Variants in MBD5 observed in about 807,000 individuals in gnomAD.
MBD5 encodes methyl-CpG-binding domain protein 5.
Under a neutral mutation model 117.3 loss-of-function variants are expected in MBD5, and 13 were observed. The ratio of observed to expected loss-of-function variants is 0.11; its 90% confidence interval spans 0.07 to 0.18. The LOEUF is 0.18. Among genes scored for constraint, MBD5 ranks in the 10% least tolerant of loss-of-function variants. MBD5 has a pLI of 1.00. For synonymous variants in MBD5, 727 were observed against 766.4 expected (o/e 0.95, Z 0.85); for missense variants, 1,879 against 2,093.8 (o/e 0.90, Z 2.00).
intron 1 of MBD5, among the ~76,000 whole-genome samples, chr2:148,152,397 G>GA (rs1197620431): frequency 3.3e-5 from 5 of 152,152 alleles, no homozygotes; most frequent in African/African-American, 1.2e-4. Flanking sequence ...GTGCGGTGCT[G>GA]AAAAAAGTGT....
intron 1 of MBD5, among the ~76,000 whole-genome samples, chr2:148,074,782 G>A (rs913814140): frequency 2.0e-5 from 3 of 152,086 alleles, no homozygotes; most frequent in Admixed American, 6.6e-5. Context: ...GATTACAGGC[G>A]TGAGCCACCA....
chr2:148,280,828 C>G (rs1701230052), intron 3 of MBD5, among the ~76,000 whole-genome samples: 1 of 152,106 alleles, frequency 6.6e-6, no homozygotes, highest in South Asian at 2.1e-4. Context: ...ATTTTGGCCT[C>G]TCTACTTAAT....
chr2:148,504,245 T>A (rs906494599), intron 12 of MBD5, among the ~76,000 whole-genome samples: 1 of 152,194 alleles, frequency 6.6e-6, no homozygotes, highest in Non-Finnish European at 1.5e-5. Context: ...AAAACTAACA[T>A]TTATAAAAAG....
At chr2:148,271,446 A>T (rs1376107250) in intron 3 of MBD5, among the ~76,000 whole-genome samples, 3 of 152,150 alleles carry the variant, frequency 2.0e-5, no homozygotes, top group African/African-American at 7.2e-5. Context: ...TTCCCAAGAC[A>T]ATTATTCCAT....
chr2:148,324,035 G>A (rs1251100183), intron 3 of MBD5, among the ~76,000 whole-genome samples: 1 of 152,136 alleles, frequency 6.6e-6, no homozygotes, highest in African/African-American at 2.4e-5. Flanking sequence ...TGTAAGGAAG[G>A]GATCCAGTTA....
intron 3 of MBD5, among the ~76,000 whole-genome samples, chr2:148,266,185 T>G (rs1574215778): frequency 6.6e-6 from 1 of 152,148 alleles, no homozygotes; most frequent in Non-Finnish European, 1.5e-5. Context: ...TGTTGGTATC[T>G]CCTGACCACG....
chr2:148,335,904 C>T (rs924016430), intron 3 of MBD5, among the ~76,000 whole-genome samples: 2 of 152,084 alleles, frequency 1.3e-5, no homozygotes, highest in Non-Finnish European at 2.9e-5. Context: ...TAAGTTATTT[C>T]CCCAAATTCA....
intron 3 of MBD5, among the ~76,000 whole-genome samples, chr2:148,242,377 CAT>C (rs34443442): frequency 3.3e-5 from 5 of 150,124 alleles, no homozygotes; most frequent in South Asian, 2.1e-4. Flanking sequence ...ATTACACACA[CAT>C]ATATATATAT....
chr2:148,163,762 A>G (rs1457591941), intron 1 of MBD5, among the ~76,000 whole-genome samples: 1 of 152,208 alleles, frequency 6.6e-6, no homozygotes, highest in African/African-American at 2.4e-5. Flanking sequence ...AGCGCTTGGT[A>G]TGTATGAATG....
In MBD5 at chr2:148,297,252, G is replaced by C. The variant is rs1574254916; in HGVS notation, c.-679-44962G>C. Among the ~76,000 whole-genome samples, 3 of 152,138 alleles carry C rather than the reference G, an allele frequency of 2.0e-5. No homozygotes were observed. In the East Asian group the frequency reaches 5.8e-4, roughly 29 times the overall value. Reference sequence around the variant, plus strand: ...CTAGATAGCATATTGTAGCAATTCTGAATATTAGTCCTCAATATTTGTCAT... The same window carrying C: ...CTAGATAGCATATTGTAGCAATTCTCAATATTAGTCCTCAATATTTGTCAT... On this transcript the variant is annotated intron_variant, in intron 3 of 13. Transcript: ENST00000642680.
At chr2:148,315,598 A>G (rs1274104226) in intron 3 of MBD5, among the ~76,000 whole-genome samples, 3 of 152,118 alleles carry the variant, frequency 2.0e-5, no homozygotes, top group Non-Finnish European at 4.4e-5. Context: ...GACTTTGCTT[A>G]TTTTTAAGAC....
intron 3 of MBD5, among the ~76,000 whole-genome samples, chr2:148,340,465 A>G (rs1163922971): frequency 6.6e-6 from 1 of 152,124 alleles, no homozygotes; most frequent in African/African-American, 2.4e-5. Context: ...GCTTGATGGG[A>G]GGTCTAATTT....
chr2:148,130,591 A>G (rs1697021049), intron 1 of MBD5, among the ~76,000 whole-genome samples: 1 of 151,988 alleles, frequency 6.6e-6, no homozygotes, highest in Admixed American at 6.6e-5. Flanking sequence ...GATCAGAGGA[A>G]CCTATCTCAC....
chr2:148,057,645 A>T (rs1024927720), intron 1 of MBD5, among the ~76,000 whole-genome samples: 1 of 151,968 alleles, frequency 6.6e-6, no homozygotes, highest in Non-Finnish European at 1.5e-5. Flanking sequence ...ATACTAGAAT[A>T]AATTTTTTCC....
At chr2:148,321,298 G>C (rs1335854315) in intron 3 of MBD5, among the ~76,000 whole-genome samples, 1 of 151,986 alleles carries the variant, frequency 6.6e-6, no homozygotes, top group Non-Finnish European at 1.5e-5. Flanking sequence ...ACTAATGATA[G>C]CTGATGAACT....
chr2:148,392,793 G>A (rs73015185), intron 4 of MBD5, among the ~76,000 whole-genome samples: 1,952 of 152,184 alleles, frequency 0.013, 51 homozygotes, highest in African/African-American at 0.045. Flanking sequence ...CAGGCCTGGG[G>A]TATAGAGAGC....
intron 4 of MBD5, among the ~76,000 whole-genome samples, chr2:148,383,209 C>G (rs1052301642): frequency 6.6e-6 from 1 of 151,422 alleles, no homozygotes; most frequent in East Asian, 1.9e-4. Context: ...AGACCGCTAG[C>G]AAGACTAATA....
intron 1 of MBD5, among the ~76,000 whole-genome samples, chr2:148,172,195 G>A (rs1205306056): frequency 6.6e-6 from 1 of 152,230 alleles, no homozygotes; most frequent in Non-Finnish European, 1.5e-5. Context: ...ACCAGGAACA[G>A]CACCTGCAGC....
intron 1 of MBD5, among the ~76,000 whole-genome samples, chr2:148,076,134 C>T (rs1573987284): frequency 6.6e-6 from 1 of 151,996 alleles, no homozygotes; most frequent in East Asian, 1.9e-4. Context: ...GAGATTTTTC[C>T]TACTTTACCA....
Sources: gnomAD v4.1 joint callset for allele counts (sites outside exome capture counted in the v4.1 genomes callset) on GRCh38, gnomAD v4.1.1 for gene constraint, MANE v1.5 for transcripts, NCBI Gene and HGNC (gene_info 2026-07-23, HGNC 2026-07-21) for gene names.